The following FAR2 variants were observed in gnomAD, a reference collection of about 807,000 sequenced individuals.
The protein encoded by FAR2 is fatty acyl-CoA reductase 2, also known as epididymis secretory protein Li 81.
A neutral mutation model predicts 56.0 loss-of-function variants in FAR2; 19 were observed. That is an observed-to-expected ratio of 0.34 (90% confidence interval 0.24 to 0.50). FAR2 has a LOEUF of 0.50. FAR2 is among the 20% of genes least tolerant of loss of function. FAR2 has a pLI of 0.98. For synonymous variants in FAR2, 219 were observed against 218.8 expected (o/e 1.00, Z -0.01); for missense variants, 508 against 642.2 (o/e 0.79, Z 2.26).
intron 1 of FAR2, among the ~76,000 whole-genome samples, chr12:29,169,284 G>A (rs1173792788): frequency 6.6e-6 from 1 of 152,206 alleles, no homozygotes; most frequent in South Asian, 2.1e-4. Context: ...TCCTCCAGAG[G>A]TGAACTCTTT....
At chr12:29,239,820 T>C (rs1352203989) in intron 1 of FAR2, among the ~76,000 whole-genome samples, 2 of 152,238 alleles carry the variant, frequency 1.3e-5, no homozygotes, top group African/African-American at 2.4e-5. Context: ...TCTGGCTTTA[T>C]TAATGACAGA....
At chr12:29,321,568 G>A (rs1949552003) in intron 9 of FAR2, among the ~76,000 whole-genome samples, 1 of 152,088 alleles carries the variant, frequency 6.6e-6, no homozygotes, top group African/African-American at 2.4e-5. Flanking sequence ...AAAGGAGTCT[G>A]GTATTAAATG....
intron 1 of FAR2, among the ~76,000 whole-genome samples, chr12:29,179,989 G>A (rs905584433): frequency 2.6e-5 from 4 of 152,194 alleles, no homozygotes; most frequent in African/African-American, 9.7e-5. Context: ...TTACAGACTT[G>A]GGTGTTTATC....
chr12:29,281,353 A>C (rs1591924107), intron 2 of FAR2: 1 of 152,222 alleles, frequency 6.6e-6, no homozygotes, highest in Admixed American at 6.5e-5. Context: ...AGCTTCCTAC[A>C]CTGGGAGTGG....
intron 1 of FAR2, among the ~76,000 whole-genome samples, chr12:29,190,794 C>T (rs913643041): frequency 5.9e-5 from 9 of 151,862 alleles, no homozygotes; most frequent in Non-Finnish European, 7.4e-5. Context: ...CTGAGATGTC[C>T]GCATCACACA....
Position 29,193,088 on chromosome 12 carries a change from AT to A in FAR2, c.-39+43690del, listed in dbSNP as rs200230261. 7.3e-5 allele frequency among the ~76,000 whole-genome samples: 11 copies of A among 151,340 alleles called. No individual in the cohort carries two copies. In the East Asian group the frequency reaches 1.5e-3, roughly 21 times the overall value. ...GAAATACCATTTTTTTAAAGCTTTT[AT>A]TTTTTTTTAGCAGTTTTTGGTTCAC... On this transcript the variant is annotated intron_variant, in intron 1 of 11. Coordinates refer to ENST00000536681, the MANE Select transcript of FAR2 (RefSeq NM_001271783.2).
intron 10 of FAR2, among the ~76,000 whole-genome samples, chr12:29,330,658 T>C (rs1179831024): frequency 6.6e-6 from 1 of 152,212 alleles, no homozygotes; most frequent in Non-Finnish European, 1.5e-5. Context: ...AGTGTAATAT[T>C]TCCTGAAGAG....
At chr12:29,238,471 A>T (rs563200970) in intron 1 of FAR2, among the ~76,000 whole-genome samples, 1 of 152,222 alleles carries the variant, frequency 6.6e-6, no homozygotes, top group East Asian at 1.9e-4. Flanking sequence ...TAAATATTTT[A>T]AAAATATCTC....
chr12:29,263,392 T>C (rs573402302), intron 1 of FAR2, among the ~76,000 whole-genome samples: 12 of 152,300 alleles, frequency 7.9e-5, no homozygotes, highest in African/African-American at 2.9e-4. Context: ...ATAGACCATA[T>C]ATTAGGTCAC....
chr12:29,187,356 C>T (rs1411209138), intron 1 of FAR2, among the ~76,000 whole-genome samples: 1 of 151,906 alleles, frequency 6.6e-6, no homozygotes, highest in Non-Finnish European at 1.5e-5. Context: ...AATTATTTTT[C>T]ATAAATCTTT....
Position 29,312,011 on chromosome 12 carries a change from C to A in FAR2, c.955+61C>A, listed in dbSNP as rs140787957. On this transcript the variant is annotated intron_variant, in intron 8 of 11. Coordinates refer to ENST00000536681, the MANE Select transcript of FAR2 (RefSeq NM_001271783.2). ...GTGTCTGGCACAGAGAAAAAGTTGA[C>A]AAAGTGTGTCATGGAGCTTAGAGCT... 3.7e-3 allele frequency: 4,590 copies of A among 1,234,784 alleles called. 16 individuals are homozygous for A. The highest frequency in any genetic ancestry group is 4.5e-3 in the Non-Finnish European group (3,881 of 858,382). 76.5% of individuals were successfully genotyped at this position (1,234,784 alleles called of 1,614,324 possible). A position where few individuals can be genotyped will look rare whatever the true frequency, so the allele number is the denominator to read the frequency against.
At chr12:29,157,187 G>C (rs1229299840) in intron 1 of FAR2, among the ~76,000 whole-genome samples, 1 of 132,670 alleles carries the variant, frequency 7.5e-6, no homozygotes, top group African/African-American at 2.8e-5. Flanking sequence ...AATGAAAATT[G>C]ATTAAACAAT....
In FAR2 at chr12:29,249,256, T is replaced by C. The variant is rs193206088; in HGVS notation, c.-38-21156T>C. 3.2e-3 allele frequency among the ~76,000 whole-genome samples: 488 copies of C among 152,320 alleles called. 3 individuals are homozygous for C. The highest frequency in any genetic ancestry group is 8.9e-3 in the African/African-American group (369 of 41,580). On this transcript the variant is annotated intron_variant, in intron 1 of 11. Coordinates refer to ENST00000536681, the MANE Select transcript of FAR2 (RefSeq NM_001271783.2). ...CAACTAATAAATGTCCATAAAATCT[T>C]CACAATCCACGTTCTTCTGCCATGG...
intron 5 of FAR2, among the ~76,000 whole-genome samples, chr12:29,308,577 C>T (rs1949291560): frequency 1.2e-5 from 1 of 86,352 alleles, no homozygotes; most frequent in South Asian, 3.4e-4. Flanking sequence ...ATAAGGTCAG[C>T]TGAATGGCTT....
chr12:29,269,168 C>T (rs966969474), intron 1 of FAR2, among the ~76,000 whole-genome samples: 4 of 152,130 alleles, frequency 2.6e-5, no homozygotes, highest in Admixed American at 6.5e-5. Flanking sequence ...GGGTCTATTT[C>T]ACCCCTAGAG....
intron 2 of FAR2, chr12:29,281,379 A>T (rs1948781037): frequency 6.6e-6 from 1 of 152,214 alleles, no homozygotes; most frequent in Admixed American, 6.5e-5. Flanking sequence ...TTCCTTAAAT[A>T]GCCTCTAAAT....
chr12:29,175,286 C>T (rs936412641), intron 1 of FAR2, among the ~76,000 whole-genome samples: 2 of 152,176 alleles, frequency 1.3e-5, no homozygotes. Flanking sequence ...AAGCCGCGGA[C>T]CTTCGTGGTG....
chr12:29,215,235 A>T (rs558401586), intron 1 of FAR2, among the ~76,000 whole-genome samples: 2 of 152,370 alleles, frequency 1.3e-5, no homozygotes, highest in Non-Finnish European at 2.9e-5. Context: ...TTCTGAGCTA[A>T]ATATGAAGAC....
chr12:29,151,455 C>A (rs974857884), intron 1 of FAR2: 3 of 152,210 alleles, frequency 2.0e-5, no homozygotes, highest in Non-Finnish European at 4.4e-5. Flanking sequence ...AGGCTCCAGG[C>A]AGGGCCAGCT....
Sources: allele counts gnomAD v4.1 joint callset (sites outside exome capture counted in the v4.1 genomes callset), GRCh38; gene constraint gnomAD v4.1.1; transcripts MANE v1.5; gene names NCBI Gene and HGNC (gene_info 2026-07-23, HGNC 2026-07-21).